NONO: variants seen among roughly 807,000 people sequenced by gnomAD.
NONO encodes the protein non-POU domain-containing octamer-binding protein.
In NONO, 6 loss-of-function variants were observed where a neutral mutation model predicts 40.2. That is an observed-to-expected ratio of 0.15 (90% CI 0.08 to 0.29). The LOEUF (loss-of-function observed/expected upper bound fraction) is 0.29. Among genes scored for constraint, NONO ranks in the 10% least tolerant of loss-of-function variants. NONO has a pLI of 1.00. For synonymous variants in NONO, 89 were observed against 123.3 expected (o/e 0.72, Z 1.85); for missense variants, 133 against 397.8 (o/e 0.33, Z 5.66).
chrX:71,295,809 G>A (rs1338203319), intron 5 of NONO, among the ~76,000 whole-genome samples: 1 of 111,975 alleles, frequency 8.9e-6, no homozygotes, highest in Admixed American at 9.5e-5. Flanking sequence ...AAGACTTTTG[G>A]TACTAAGCTT....
intron 9 of NONO, 54 bp from the exon 10 acceptor site, chrX:71,298,415 T>C (rs2031499812): frequency 9.6e-7 from 1 of 1,042,076 alleles, no homozygotes; most frequent in African/African-American, 1.8e-5. Context: ...CTTGATGGAT[T>C]GTGGTAGAAT....
At chrX:71,299,529 T>C (rs778176034) in intron 11 of NONO, among the ~76,000 whole-genome samples, 21 of 112,875 alleles carry the variant, frequency 1.9e-4, no homozygotes, top group Admixed American at 3.8e-4. Flanking sequence ...AAATACTTCA[T>C]GGCTCATGCA....
In NONO at chrX:71,294,646, G is replaced by A. The variant is rs1018092722; in HGVS notation, c.650+118G>A. 9.9e-6 allele frequency: 7 copies of A among 710,337 alleles called. No individual in the cohort carries two copies. In the African/African-American group the frequency reaches 1.5e-4, roughly 15 times the overall value. The allele number at this position is 710,337 out of a possible 1,213,427, so 58.5% of individuals were successfully genotyped here. A position where few individuals can be genotyped will look rare whatever the true frequency, so the allele number is the denominator to read the frequency against. On this transcript the variant is annotated intron_variant, in intron 5 of 11. Coordinates refer to ENST00000276079, the MANE Select transcript of NONO (RefSeq NM_007363.5). ...TAAAGACTTTTGGTCAGCCTGGCAT[G>A]GTGGCTGACTCCTGTAATCCCAGCA...
intron 5 of NONO, among the ~76,000 whole-genome samples, chrX:71,295,359 C>T (rs894086451): frequency 9.1e-6 from 1 of 109,313 alleles, no homozygotes; most frequent in Non-Finnish European, 1.9e-5. Context: ...TGGTGGCGGG[C>T]GCCTGTTGTC....
At chrX:71,292,988 CAT>C (rs764514582) in intron 4 of NONO, 1 of 112,112 alleles carries the variant, frequency 8.9e-6, no homozygotes, top group Non-Finnish European at 1.9e-5. Flanking sequence ...ACATACATAA[CAT>C]AAAATTTACT....
rs140529058 is a variant in NONO at position 71,299,055 on chromosome X, G to C, written c.1281+239G>C. Among the ~76,000 whole-genome samples, 812 of 111,781 alleles carry C rather than the reference G, an allele frequency of 7.3e-3. 10 individuals are homozygous for C. The highest frequency in any genetic ancestry group is 0.025 in the African/African-American group (773 of 30,757). ...TCCTGCCTCAGCCTCCCGAGTAGCT[G>C]GGACTACAGGTGCTTGCCACCATGC... On this transcript the variant is annotated intron_variant, in intron 11 of 11. Coordinates refer to ENST00000276079, the MANE Select transcript of NONO (RefSeq NM_007363.5).
At chrX:71,285,285 A>G in intron 2 of NONO, among the ~76,000 whole-genome samples, 1 of 111,926 alleles carries the variant, frequency 8.9e-6, no homozygotes, top group East Asian at 2.8e-4. Context: ...TGGACTTTAG[A>G]TTTTGTATGT....
At chrX:71,295,663 C>G (rs760721371) in intron 5 of NONO, among the ~76,000 whole-genome samples, 1 of 108,465 alleles carries the variant, frequency 9.2e-6, no homozygotes, top group South Asian at 4.0e-4. Flanking sequence ...CGGTGGTGGG[C>G]GCCTGTGATC....
At chrX:71,284,328 C>T (rs564448363) in intron 1 of NONO, 69 bp from the exon 2 acceptor site, 10 of 111,933 alleles carry the variant, frequency 8.9e-5, no homozygotes, top group Admixed American at 7.6e-4. Flanking sequence ...GATTTCGCAT[C>T]GAGTATTTTA....
chrX:71,298,718 A>G lies in NONO; in HGVS notation c.1183A>G (p.Ile395Val). 1.7e-6 allele frequency: 2 copies of G among 1,208,827 alleles called. No individual in the cohort carries two copies. Among genetic ancestry groups the G allele is most frequent in the Non-Finnish European group, 2.2e-6 (2 of 893,404 alleles). The change falls in exon 11 of 12, where the codon ATA (isoleucine) becomes GTA (valine). Residue 395 changes from isoleucine (I) to valine (V), a missense_variant. Physicochemically the swap from Ile to Val is conservative, Grantham distance 29 (BLOSUM62 3). Around this residue, in one of 3 missense-constraint regions of NONO, gnomAD observed 73 missense variants for 162.2 expected, o/e 0.45. Coordinates refer to ENST00000276079, the MANE Select transcript of NONO (RefSeq NM_007363.5). Reference sequence around the variant, plus strand: ...CTACTCTGCCTTAGGTGCTATGGGCATAAACAACAGAGGTGCCATGCCCCC... The same window carrying G: ...CTACTCTGCCTTAGGTGCTATGGGCGTAAACAACAGAGGTGCCATGCCCCC... ...GQMAMGGAMG[I>V]NNRGAMPPAP...
chrX:71,294,565 T>C, intron 5 of NONO, 37 bp downstream of exon 5: 1 of 1,132,765 alleles, frequency 8.8e-7, no homozygotes, highest in Non-Finnish European at 1.2e-6. Context: ...GACCTTAGAT[T>C]GCTAATTCCT....
At chrX:71,299,615 T>C (rs1278045856) in intron 11 of NONO, among the ~76,000 whole-genome samples, 4 of 111,954 alleles carry the variant, frequency 3.6e-5, no homozygotes, top group Non-Finnish European at 7.5e-5. Context: ...TTGTTTTTCT[T>C]TTTTTCTTTT....
intron 2 of NONO, among the ~76,000 whole-genome samples, chrX:71,288,119 CTTTTTTTTT>C (rs41517053): frequency 1.9e-5 from 1 of 53,856 alleles, no homozygotes; most frequent in African/African-American, 8.1e-5. Flanking sequence ...TTATTTTTAT[CTTTTTTTTT>C]TTTTTTTTTT....
chrX:71,294,133 G>T (rs1002774370), intron 4 of NONO, 94 bp from the exon 5 acceptor site: 1 of 863,611 alleles, frequency 1.2e-6, no homozygotes, highest in Non-Finnish European at 1.6e-6. Context: ...TAGTTTTTCC[G>T]GGGAGATATT....
chrX:71,289,705 G>A (rs2031281172), intron 2 of NONO, among the ~76,000 whole-genome samples: 1 of 111,687 alleles, frequency 9.0e-6, no homozygotes, highest in Non-Finnish European at 1.9e-5. Context: ...GGGCTCAAGT[G>A]AACCTCCAGC....
At position 71,297,946 on chromosome X, in the gene NONO, T is replaced by G. The variant is rs199640347; in HGVS notation, c.1131+8T>G. On this transcript the variant is annotated splice_region_variant and intron_variant, in intron 9 of 11. Coordinates refer to ENST00000276079, the MANE Select transcript of NONO (RefSeq NM_007363.5). ...GGAACCTTCCCTGATGCGGTATATCTCCCATGTGCCCGTGATGTACCAGAC... is the reference window on the plus strand; with the variant it reads ...GGAACCTTCCCTGATGCGGTATATCGCCCATGTGCCCGTGATGTACCAGAC... 1 of 1,117,430 alleles carries G rather than the reference T, an allele frequency of 8.9e-7. No homozygotes were observed. The allele number at this position is 1,117,430 out of a possible 1,213,427, so 92.1% of individuals were successfully genotyped here. A position where few individuals can be genotyped will look rare whatever the true frequency, so the allele number is the denominator to read the frequency against.
intron 11 of NONO, 71 bp from the exon 12 acceptor site, chrX:71,299,871 A>T (rs1490216777): frequency 8.7e-7 from 1 of 1,151,856 alleles, no homozygotes; most frequent in Non-Finnish European, 1.2e-6. Flanking sequence ...CCTCCAGTGG[A>T]GGGACTACAG....
intron 2 of NONO, among the ~76,000 whole-genome samples, chrX:71,289,835 G>A (rs1312452641): frequency 3.6e-5 from 4 of 110,333 alleles, no homozygotes; most frequent in Non-Finnish European, 5.7e-5. Context: ...ACAGTGGCAC[G>A]ATCTCAGCTC....
chrX:71,294,639 C>A, intron 5 of NONO, 111 bp downstream of exon 5: 1 of 785,874 alleles, frequency 1.3e-6, no homozygotes, highest in South Asian at 2.7e-5. Flanking sequence ...TTTGGTCAGC[C>A]TGGCATGGTG....
Sources: gnomAD v4.1 joint callset for allele counts (sites outside exome capture counted in the v4.1 genomes callset) on GRCh38, gnomAD v4.1.1 for gene constraint, gnomAD v4.1.1 regional missense constraint, MANE v1.5 for transcripts, NCBI Gene and HGNC (gene_info 2026-07-23, HGNC 2026-07-21) for gene names.